GYS2: variants seen among roughly 807,000 people sequenced by gnomAD.
GYS2 encodes the protein glycogen synthase 2.
GYS2 carries 80 observed loss-of-function variants against 85.6 expected under a neutral mutation model. That is an observed-to-expected ratio of 0.93 (90% CI 0.78 to 1.13). The LOEUF is 1.13. Ranked by LOEUF, GYS2 falls within the 50% of genes most tolerant of loss-of-function variation. The probability of loss-of-function intolerance (pLI) is 0.00; values close to 1 mark genes in which losing one functional copy is unlikely to be tolerated. For missense variants in GYS2, 881 were observed against 854.9 expected, an observed-to-expected ratio of 1.03 and a Z score of -0.38; for synonymous variants, 328 against 300.7, an observed-to-expected ratio of 1.09 and a Z score of -0.94.
intron 1 of GYS2, among the ~76,000 whole-genome samples, chr12:21,598,227 G>A (rs1466409743): frequency 6.6e-6 from 1 of 151,994 alleles, no homozygotes; most frequent in Non-Finnish European, 1.5e-5. Context: ...ACATAGAAAC[G>A]ATAAATACTT....
At chr12:21,534,041 C>T (rs560011080), downstream of GYS2, among the ~76,000 whole-genome samples, 7 of 152,320 alleles carry the variant, frequency 4.6e-5, no homozygotes, top group East Asian at 3.9e-4. Flanking sequence ...CCCAAAGGCT[C>T]TGCCTCCTTT....
chr12:21,534,568 GAA>G (rs1943893409), downstream of GYS2, among the ~76,000 whole-genome samples: 1 of 134,074 alleles, frequency 7.5e-6, no homozygotes, highest in Non-Finnish European at 1.6e-5. Context: ...GAAAAAGAAA[GAA>G]AAGAAAAAGG....
At position 21,580,386 on chromosome 12, in the gene GYS2, C is replaced by T; in HGVS notation, c.259G>A (p.Ala87Thr). 6.2e-7 allele frequency: 1 copy of T among 1,613,950 alleles called. No individual in the cohort carries two copies. The highest frequency in any genetic ancestry group is 8.5e-7 in the Non-Finnish European group (1 of 1,179,904). ...ATTGCGTCCACTGCTCTTCTGACAG[C>T]ATCATTTACAGGTTCACACTGTTCC... Reference protein sequence around the residue: ...QVEQCEPVNDAVRRAVDAMNK... With the variant: ...QVEQCEPVNDTVRRAVDAMNK... The change falls in exon 2 of 16, where the codon GCT (alanine) becomes ACT (threonine). Residue 87 changes from alanine to threonine, a missense_variant. Coordinates refer to ENST00000261195, the MANE Select transcript of GYS2 (RefSeq NM_021957.4).
At chr12:21,539,223 T>C (rs1470977106) in intron 15 of GYS2, 35 bp downstream of exon 15, 2 of 1,099,812 alleles carry the variant, frequency 1.8e-6, no homozygotes, top group Non-Finnish European at 2.7e-6. Context: ...TAAAAAGAAA[T>C]ATAGCTTTCA....
At chr12:21,592,374 G>A (rs1417171791) in intron 1 of GYS2, among the ~76,000 whole-genome samples, 1 of 151,990 alleles carries the variant, frequency 6.6e-6, no homozygotes, top group Non-Finnish European at 1.5e-5. Context: ...ACAAAAATAT[G>A]ACCCAGTTGT....
intron 1 of GYS2, among the ~76,000 whole-genome samples, chr12:21,585,135 G>T (rs1944558181): frequency 6.6e-6 from 1 of 152,092 alleles, no homozygotes; most frequent in Non-Finnish European, 1.5e-5. Context: ...AGTGGAAGTG[G>T]CACCACTCAC....
At chr12:21,554,911 T>A (rs1944160090) in intron 11 of GYS2, among the ~76,000 whole-genome samples, 1 of 152,202 alleles carries the variant, frequency 6.6e-6, no homozygotes, top group Non-Finnish European at 1.5e-5. Flanking sequence ...ACGTCCAATT[T>A]CAATGAACCT....
downstream of GYS2, among the ~76,000 whole-genome samples, chr12:21,535,334 T>C (rs1329710531): frequency 6.6e-6 from 1 of 152,180 alleles, no homozygotes; most frequent in African/African-American, 2.4e-5. Context: ...ATTGTAACAG[T>C]GAACCCTAGT....
chr12:21,602,651 A>C (rs1327618786), intron 1 of GYS2, among the ~76,000 whole-genome samples: 2 of 151,978 alleles, frequency 1.3e-5, no homozygotes, highest in Non-Finnish European at 2.9e-5. Context: ...AATGATAGAA[A>C]ATAAGTATTA....
At position 21,559,096 on chromosome 12, in the gene GYS2, T is replaced by C; in HGVS notation, c.1303A>G (p.Thr435Ala). 1 of 1,585,396 alleles carries C rather than the reference T, an allele frequency of 6.3e-7. No individual in the cohort carries two copies. Among genetic ancestry groups the C allele is most frequent in the Non-Finnish European group, 8.7e-7 (1 of 1,154,862 alleles). Residue 435 changes from threonine (T) to alanine (A), a missense_variant, in exon 10 of 16, where the codon ACT (threonine) becomes GCT (alanine). Physicochemically the swap from Thr to Ala is moderately conservative, Grantham distance 58 (BLOSUM62 0). Transcript: ENST00000261195. Reference protein sequence around the residue: ...LTIMKRAIFSTQRQSLPPVTT... With the variant: ...LTIMKRAIFSAQRQSLPPVTT... ...GGTGCTTTTTTCCTTATTACCTGAG[T>C]TGAAAAGATGGCTCTTTTCATAATT...
At chr12:21,548,085 G>C (rs1944063006) in intron 11 of GYS2, among the ~76,000 whole-genome samples, 1 of 84,632 alleles carries the variant, frequency 1.2e-5, no homozygotes, top group African/African-American at 3.0e-5. Context: ...ATAAATGTTG[G>C]TTGATTTCCT....
chr12:21,599,653 C>T (rs554148534), intron 1 of GYS2, among the ~76,000 whole-genome samples: 108 of 152,268 alleles, frequency 7.1e-4, no homozygotes, highest in African/African-American at 2.5e-3. Context: ...CATGGCCCAC[C>T]GGCTTATCCA....
Position 21,558,258 on chromosome 12 carries a change from G to C in GYS2, c.1364C>G (p.Pro455Arg), listed in dbSNP as rs1319339393. 3 of 1,613,884 alleles carry C rather than the reference G, an allele frequency of 1.9e-6. No individual in the cohort carries two copies. Among genetic ancestry groups the C allele is most frequent in the South Asian group, 1.1e-5 (1 of 91,070 alleles). ...AATCCGTCTAATGGTGCTGAGGATGGGGTCGGTGGAGTCATCAATCATGTT... is the reference window on the plus strand; with the variant it reads ...AATCCGTCTAATGGTGCTGAGGATGCGGTCGGTGGAGTCATCAATCATGTT... ...THNMIDDSTD[P>R]ILSTIRRIGL... The change falls in exon 11 of 16, where the codon CCC becomes CGC. Residue 455 changes from proline (P) to arginine (R), a missense_variant. Pro to Arg is a moderately radical substitution (Grantham distance 103, BLOSUM62 -2). Coordinates refer to ENST00000261195, the MANE Select transcript of GYS2 (RefSeq NM_021957.4).
At chr12:21,568,560 A>G (rs1944349476) in intron 5 of GYS2, among the ~76,000 whole-genome samples, 1 of 152,242 alleles carries the variant, frequency 6.6e-6, no homozygotes, top group African/African-American at 2.4e-5. Context: ...TCAAAAGACA[A>G]GAGTCAACCG....
In GYS2 at chr12:21,595,417, T is replaced by C. The variant is rs151005067; in HGVS notation, c.121+9055A>G. ...TCCCACTGGAGAAACTGAAGGTCTG[T>C]TTGTGGGAGAAGTTTCTGACCTTAC... On this transcript the variant is annotated intron_variant, in intron 1 of 15. Coordinates refer to ENST00000261195, the MANE Select transcript of GYS2 (RefSeq NM_021957.4). 2.1e-3 allele frequency among the ~76,000 whole-genome samples: 315 copies of C among 152,232 alleles called. 3 individuals carry two copies. Among genetic ancestry groups the C allele is most frequent in the African/African-American group, 7.2e-3 (298 of 41,552 alleles).
At chr12:21,533,360 C>T (rs901167950), downstream of GYS2, among the ~76,000 whole-genome samples, 1 of 152,142 alleles carries the variant, frequency 6.6e-6, no homozygotes, top group African/African-American at 2.4e-5. Flanking sequence ...TTCTTCTTTA[C>T]CTGGTTATGA....
At chr12:21,560,559 T>C in intron 7 of GYS2, 67 bp from the exon 8 acceptor site, 1 of 808,522 alleles carries the variant, frequency 1.2e-6, no homozygotes, top group Non-Finnish European at 2.2e-6. Flanking sequence ...TAGATGGAAC[T>C]TAAACATTGA....
chr12:21,594,606 C>A (rs1944675565), intron 1 of GYS2, among the ~76,000 whole-genome samples: 1 of 151,952 alleles, frequency 6.6e-6, no homozygotes, highest in African/African-American at 2.4e-5. Context: ...AGGACAGAAA[C>A]AAATGGAGAG....
At chr12:21,574,033 G>C (rs1408012146) in intron 4 of GYS2, 111 bp downstream of exon 4, 3 of 836,958 alleles carry the variant, frequency 3.6e-6, no homozygotes, top group Non-Finnish European at 4.0e-6. Flanking sequence ...TAGCTAAAAG[G>C]GCATTTCTGC....
Sources: allele counts gnomAD v4.1 joint callset (sites outside exome capture counted in the v4.1 genomes callset), GRCh38; gene constraint gnomAD v4.1.1; transcripts MANE v1.5; gene names NCBI Gene and HGNC (gene_info 2026-07-23, HGNC 2026-07-21).